WASHC2C: variants seen among roughly 807,000 people sequenced by gnomAD.
WASHC2C encodes WASH complex subunit 2C, also known as Vaccinia Penetration Factor.
A neutral mutation model predicts 142.2 loss-of-function variants in WASHC2C; 73 were observed. That is an observed-to-expected ratio of 0.51 (90% CI 0.43 to 0.62). The LOEUF is 0.62. WASHC2C is among the 20% of genes least tolerant of loss of function. WASHC2C has a pLI of 0.00. For synonymous variants in WASHC2C, 337 were observed against 565.5 expected (o/e 0.60, Z 5.73); for missense variants, 969 against 1,531.7 (o/e 0.63, Z 6.13).
At chr10:45,736,384 C>CA (rs1554864697) in intron 3 of WASHC2C, among the ~76,000 whole-genome samples, 1 of 102,988 alleles carries the variant, frequency 9.7e-6, no homozygotes, top group Non-Finnish European at 1.8e-5. Context: ...CCAGCCTTGG[C>CA]AACAGAGTGA....
Position 45,727,280 on chromosome 10 carries a change from G to A in WASHC2C, c.-38G>A, listed in dbSNP as rs747632939. On this transcript the variant is annotated 5_prime_UTR_variant, in exon 1 of 31. Transcript: ENST00000623400. ...CGGGGCTCTGCGGTCCTCGGCCTGTGCTGGCAGCCTCGGAGCCCACCGAGC... is the reference window on the plus strand; with the variant it reads ...CGGGGCTCTGCGGTCCTCGGCCTGTACTGGCAGCCTCGGAGCCCACCGAGC... 2 of 1,551,948 alleles carry A rather than the reference G, an allele frequency of 1.3e-6. No individual in the cohort carries two copies. Among genetic ancestry groups the A allele is most frequent in the Admixed American group, 2.0e-5 (1 of 50,730 alleles).
intron 11 of WASHC2C, among the ~76,000 whole-genome samples, chr10:45,752,086 T>C (rs2053660667): frequency 6.6e-6 from 1 of 152,228 alleles, no homozygotes; most frequent in African/African-American, 2.4e-5. Context: ...ACAGCAATCA[T>C]TTCTTGTCTT....
chr10:45,785,624 C>T lies in WASHC2C; in HGVS notation c.2804C>T (p.Thr935Ile). 1 of 1,613,650 alleles carries T rather than the reference C, an allele frequency of 6.2e-7. No individual in the cohort carries two copies. The highest frequency in any genetic ancestry group is 1.7e-5 in the Admixed American group (1 of 59,990). The part of the protein sequence containing the change: ...SKEKGIWKPE[T>I]PQDSSGLAPF... Reference sequence around the variant, plus strand: ...GAAAAAGGCATATGGAAGCCGGAAACACCTCAGGTTAGAAATCCTCTTTAA... The same window carrying T: ...GAAAAAGGCATATGGAAGCCGGAAATACCTCAGGTTAGAAATCCTCTTTAA... Residue 935 changes from threonine to isoleucine, a missense_variant, in exon 26 of 31, where the codon ACA (threonine) becomes ATA (isoleucine). Physicochemically the swap from Thr to Ile is moderately conservative, Grantham distance 89. Coordinates refer to ENST00000623400, the MANE Select transcript of WASHC2C (RefSeq NM_001330074.2).
chr10:45,747,029 T>A (rs184625174), intron 8 of WASHC2C, among the ~76,000 whole-genome samples: 1,838 of 152,326 alleles, frequency 0.012, 41 homozygotes, highest in African/African-American at 0.041. Flanking sequence ...TACCCTACTG[T>A]CTTAGCACGG....
In WASHC2C at chr10:45,746,633, A is replaced by G. The variant is rs2134441055; in HGVS notation, c.718A>G (p.Asn240Asp). Reference sequence around the variant, plus strand: ...TGAAGATTTTGCCCATCACAGTGACAATGAACAAAACCAGGTAAGGCTCAT... The same window carrying G: ...TGAAGATTTTGCCCATCACAGTGACGATGAACAAAACCAGGTAAGGCTCAT... ...SDEDFAHHSD[N>D]EQNQHTTQMS... is the part of the protein sequence containing the mutation. The change falls in exon 8 of 31, where the codon AAT becomes GAT. Residue 240 changes from asparagine to aspartate, a missense_variant. Transcript: ENST00000623400. 1.2e-6 allele frequency: 2 copies of G among 1,613,608 alleles called. No homozygotes were observed. Among genetic ancestry groups the G allele is most frequent in the East Asian group, 4.5e-5 (2 of 44,852 alleles).
In WASHC2C at chr10:45,755,107, C is replaced by A. The variant is rs1564748297; in HGVS notation, c.1412C>A (p.Ser471Tyr). ...TTCTCGGCACCCCACAGCAAACCTTCTAAAACACGTATGTGTTCCTGCCTC... is the reference window on the plus strand; with the variant it reads ...TTCTCGGCACCCCACAGCAAACCTTATAAAACACGTATGTGTTCCTGCCTC... The part of the protein sequence containing the change: ...DFFSAPHSKP[S>Y]KTRKVQSTAD... The change falls in exon 15 of 31, where the codon TCT becomes TAT. Residue 471 changes from serine (S) to tyrosine (Y), a missense_variant. By Grantham distance (144) the Ser-to-Tyr change is moderately radical. Coordinates refer to ENST00000623400, the MANE Select transcript of WASHC2C (RefSeq NM_001330074.2). 1.9e-6 allele frequency: 3 copies of A among 1,607,974 alleles called. No homozygotes were observed. Among genetic ancestry groups the A allele is most frequent in the African/African-American group, 1.3e-5 (1 of 74,378 alleles).
intron 8 of WASHC2C, 124 bp from the exon 9 acceptor site, chr10:45,749,972 C>T: frequency 2.6e-6 from 2 of 774,578 alleles, no homozygotes; most frequent in Non-Finnish European, 3.5e-6. Context: ...TAACTTGCTG[C>T]ATCATGTTTA....
chr10:45,728,111 C>A (rs759019647), intron 2 of WASHC2C, among the ~76,000 whole-genome samples: 4 of 152,142 alleles, frequency 2.6e-5, no homozygotes. Context: ...CTCACTGAAT[C>A]CTCTGGGGTT....
intron 12 of WASHC2C, 93 bp downstream of exon 12, chr10:45,752,799 A>G (rs2053771319): frequency 1.2e-6 from 1 of 844,080 alleles, no homozygotes; most frequent in Non-Finnish European, 1.8e-6. Flanking sequence ...GTGGGGGAAA[A>G]ACAGTTTCTC....
chr10:45,741,912 G>C (rs1329151186), intron 5 of WASHC2C, among the ~76,000 whole-genome samples: 6 of 151,496 alleles, frequency 4.0e-5, no homozygotes, highest in Admixed American at 6.6e-5. Flanking sequence ...TCCTGCCTCA[G>C]CCTTCCAAGT....
In WASHC2C at chr10:45,727,486, G is replaced by T. The variant is rs748144236; in HGVS notation, c.73G>T (p.Val25Leu). 1 of 1,607,572 alleles carries T rather than the reference G, an allele frequency of 6.2e-7. No individual in the cohort carries two copies. Among genetic ancestry groups the T allele is most frequent in the Admixed American group, 1.7e-5 (1 of 59,324 alleles). Residue 25 changes from valine to leucine, a missense_variant, in exon 2 of 31, where the codon GTG becomes TTG. Val to Leu is a conservative substitution (Grantham distance 32). Transcript: ENST00000623400. ...GCCCGTGTGGGAGCGGCCGTGGTCGGTGGAGGAGATCCGCAGGAGCAGCCA... is the reference window on the plus strand; with the variant it reads ...GCCCGTGTGGGAGCGGCCGTGGTCGTTGGAGGAGATCCGCAGGAGCAGCCA... ...SEPVWERPWS[V>L]EEIRRSSQSW...
intron 23 of WASHC2C, among the ~76,000 whole-genome samples, chr10:45,780,786 T>C (rs1280748135): frequency 6.7e-6 from 1 of 149,720 alleles, no homozygotes; most frequent in Non-Finnish European, 1.5e-5. Context: ...GGAGTTTCAC[T>C]CTTGTCCCCC....
In WASHC2C at chr10:45,746,635, T is replaced by C; in HGVS notation, c.720T>C (p.Asn240=). The C allele has an allele frequency of 6.2e-7, 1 of 1,613,568 alleles. No individual in the cohort carries two copies. Among genetic ancestry groups the C allele is most frequent in the East Asian group, 2.2e-5 (1 of 44,852 alleles). ...SDEDFAHHSD[N]EQNQHTTQMS... ...AAGATTTTGCCCATCACAGTGACAA[T>C]GAACAAAACCAGGTAAGGCTCATAT... Residue 240 remains asparagine, a synonymous_variant, in exon 8 of 31, where the codon AAT becomes AAC. Transcript: ENST00000623400.
At chr10:45,742,798 C>T (rs1245625590) in intron 5 of WASHC2C, among the ~76,000 whole-genome samples, 1 of 151,598 alleles carries the variant, frequency 6.6e-6, no homozygotes, top group Non-Finnish European at 1.5e-5. Flanking sequence ...AGGCTTTTGC[C>T]ATTTTTGTTA....
chr10:45,764,746 C>T (rs1328797285), intron 18 of WASHC2C, among the ~76,000 whole-genome samples: 2 of 152,280 alleles, frequency 1.3e-5, no homozygotes, highest in Admixed American at 1.3e-4. Context: ...TGTGGCTTAA[C>T]AGTGAGTAGG....
At chr10:45,729,943 C>T (rs1297342670) in intron 3 of WASHC2C, among the ~76,000 whole-genome samples, 1 of 152,058 alleles carries the variant, frequency 6.6e-6, no homozygotes, top group Non-Finnish European at 1.5e-5. Context: ...CACTTCCTGT[C>T]TTTTTTTGGA....
intron 8 of WASHC2C, among the ~76,000 whole-genome samples, chr10:45,748,906 A>G (rs1296618393): frequency 6.6e-6 from 1 of 152,108 alleles, no homozygotes; most frequent in Non-Finnish European, 1.5e-5. Context: ...TGTCATTCCA[A>G]GTCTGTTTCT....
intron 19 of WASHC2C, among the ~76,000 whole-genome samples, chr10:45,766,031 A>G (rs1589815277): frequency 2.0e-5 from 3 of 152,216 alleles, no homozygotes; most frequent in Admixed American, 6.5e-5. Flanking sequence ...ACTCCCACAC[A>G]ATAGTGTATG....
chr10:45,754,753 G>A (rs1488643861), intron 14 of WASHC2C, among the ~76,000 whole-genome samples, 183 bp from the exon 15 acceptor site: 2 of 152,154 alleles, frequency 1.3e-5, no homozygotes, highest in African/African-American at 2.4e-5. Context: ...GTGTTTGAGC[G>A]ACCTGGTGAT....
Sources: gnomAD v4.1 joint callset for allele counts (sites outside exome capture counted in the v4.1 genomes callset) on GRCh38, gnomAD v4.1.1 for gene constraint, MANE v1.5 for transcripts, NCBI Gene and HGNC (gene_info 2026-07-23, HGNC 2026-07-21) for gene names.